DLC1: variants seen among roughly 807,000 people sequenced by gnomAD.
DLC1 encodes DLC1 Rho GTPase activating protein.
Under a neutral mutation model 140.3 loss-of-function variants are expected in DLC1, and 54 were observed. The observed-to-expected ratio is 0.38, with a 90% confidence interval of 0.31 to 0.48. The LOEUF is 0.48. DLC1 is among the 20% of genes least tolerant of loss of function. The pLI, the probability that DLC1 is intolerant of heterozygous loss-of-function variation, is 0.96. For missense variants in DLC1, 2,536 were observed against 1,907.0 expected (o/e 1.33, Z -6.14); for synonymous variants, 986 against 728.1 (o/e 1.35, Z -5.70).
At chr8:13,265,888 T>C (rs1422194823) in intron 5 of DLC1, among the ~76,000 whole-genome samples, 1 of 152,240 alleles carries the variant, frequency 6.6e-6, no homozygotes, top group African/African-American at 2.4e-5. Context: ...CAGAATGTTG[T>C]TATTGTCTAA....
intron 5 of DLC1, among the ~76,000 whole-genome samples, chr8:13,270,928 A>T (rs1830906714): frequency 6.6e-6 from 1 of 152,096 alleles, no homozygotes; most frequent in African/African-American, 2.4e-5. Context: ...AAACCATTTC[A>T]TGACGTAGGT....
chr8:13,430,517 A>G (rs967718596), intron 2 of DLC1, among the ~76,000 whole-genome samples: 2 of 151,528 alleles, frequency 1.3e-5, no homozygotes, highest in South Asian at 2.1e-4. Flanking sequence ...CATTCTTTTG[A>G]AAAAAATGAT....
chr8:13,560,976 T>C (rs928898819), intron 1 of DLC1, among the ~76,000 whole-genome samples: 1 of 152,086 alleles, frequency 6.6e-6, no homozygotes, highest in Non-Finnish European at 1.5e-5. Flanking sequence ...ATATATATAT[T>C]TTTTAATTAA....
intron 5 of DLC1, among the ~76,000 whole-genome samples, chr8:13,295,316 T>C (rs1831903784): frequency 6.6e-6 from 1 of 152,252 alleles, no homozygotes; most frequent in South Asian, 2.1e-4. Context: ...CCCTACTATG[T>C]GTGCATCAGC....
At chr8:13,189,827 A>G (rs1456786528) in intron 5 of DLC1, among the ~76,000 whole-genome samples, 2 of 152,034 alleles carry the variant, frequency 1.3e-5, no homozygotes, top group African/African-American at 4.8e-5. Context: ...GGTTGCGGTG[A>G]GCCAAGATCG....
intron 5 of DLC1, among the ~76,000 whole-genome samples, chr8:13,170,451 C>T (rs1047661389): frequency 6.6e-6 from 1 of 152,170 alleles, no homozygotes; most frequent in South Asian, 2.1e-4. Context: ...TGTTTCCGGG[C>T]CGGGCGCGGT....
intron 4 of DLC1, among the ~76,000 whole-genome samples, chr8:13,383,709 T>G (rs1056996152): frequency 2.6e-5 from 4 of 152,196 alleles, no homozygotes; most frequent in Admixed American, 6.5e-5. Context: ...TTCTTTCACT[T>G]GCATCGGTGG....
At chr8:13,588,936 G>A (rs1805423778) in intron 1 of DLC1, among the ~76,000 whole-genome samples, 1 of 152,032 alleles carries the variant, frequency 6.6e-6, no homozygotes, top group Non-Finnish European at 1.5e-5. Flanking sequence ...TTACCCCAAG[G>A]CAGTCAAATG....
At chr8:13,571,702 C>T (rs777397470) in intron 1 of DLC1, among the ~76,000 whole-genome samples, 2 of 152,176 alleles carry the variant, frequency 1.3e-5, no homozygotes, top group African/African-American at 4.8e-5. Context: ...CACCTGCTTT[C>T]GATTCTTTTG....
At chr8:13,257,428 C>G (rs1001143108) in intron 5 of DLC1, among the ~76,000 whole-genome samples, 2 of 127,330 alleles carry the variant, frequency 1.6e-5, no homozygotes, top group African/African-American at 6.0e-5. Flanking sequence ...CAGAGCAATA[C>G]CCTGTCTCAG....
intron 5 of DLC1, among the ~76,000 whole-genome samples, chr8:13,119,205 G>A (rs1401476343): frequency 7.0e-6 from 1 of 143,824 alleles, no homozygotes; most frequent in East Asian, 2.0e-4. Context: ...TCCAACGTGA[G>A]CAACAGGGCA....
chr8:13,259,139 G>GAAAAAAAAAAA (rs776038964), intron 5 of DLC1, among the ~76,000 whole-genome samples: 2 of 66,646 alleles, frequency 3.0e-5, no homozygotes, highest in African/African-American at 1.1e-4. Flanking sequence ...TCCGTCTCAA[G>GAAAAAAAAAAA]AAAAAAAAAA....
chr8:13,468,463 C>G (rs1800052096), intron 2 of DLC1, among the ~76,000 whole-genome samples: 1 of 150,526 alleles, frequency 6.6e-6, no homozygotes, highest in African/African-American at 2.5e-5. Context: ...TCACTGTGGC[C>G]TTGAACACCT....
intron 5 of DLC1, among the ~76,000 whole-genome samples, chr8:13,156,380 T>C (rs965464697): frequency 6.6e-6 from 1 of 152,184 alleles, no homozygotes; most frequent in Non-Finnish European, 1.5e-5. Flanking sequence ...AATTACAAGG[T>C]TACAAGGTGA....
At chr8:13,347,945 C>T (rs1671335) in intron 4 of DLC1, among the ~76,000 whole-genome samples, 81,973 of 151,764 alleles carry the variant, frequency 0.54, 22,248 homozygotes, top group Admixed American at 0.62. Context: ...AAAAATTAGC[C>T]GGGCATGGTG....
chr8:13,367,992 T>C (rs1470273251), intron 4 of DLC1, among the ~76,000 whole-genome samples: 1 of 152,180 alleles, frequency 6.6e-6, no homozygotes, highest in Non-Finnish European at 1.5e-5. Flanking sequence ...AGAGTGTCTA[T>C]ACCTCTGGAG....
chr8:13,170,548 G>T (rs1214204142), intron 5 of DLC1, among the ~76,000 whole-genome samples: 1 of 152,108 alleles, frequency 6.6e-6, no homozygotes, highest in Non-Finnish European at 1.5e-5. Context: ...GGCCAACACG[G>T]TGAAACCCCG....
intron 5 of DLC1, among the ~76,000 whole-genome samples, chr8:13,156,411 A>T (rs1824259776): frequency 6.6e-6 from 1 of 152,182 alleles, no homozygotes; most frequent in South Asian, 2.1e-4. Flanking sequence ...GGTGTACCAG[A>T]TGCTTTTTAT....
chr8:13,146,961 G>A (rs1823480911), intron 5 of DLC1, among the ~76,000 whole-genome samples: 1 of 152,118 alleles, frequency 6.6e-6, no homozygotes, highest in Admixed American at 6.5e-5. Flanking sequence ...ATCTCTCTGG[G>A]ATGATCAATC....
Sources: allele counts gnomAD v4.1 joint callset (sites outside exome capture counted in the v4.1 genomes callset), GRCh38; gene constraint gnomAD v4.1.1; transcripts MANE v1.5; gene names NCBI Gene and HGNC (gene_info 2026-07-23, HGNC 2026-07-21).